The following GFPT1 variants were observed in gnomAD, a reference collection of about 807,000 sequenced individuals.
GFPT1 encodes the protein glutamine--fructose-6-phosphate transaminase 1, also known as glutamine--fructose-6-phosphate aminotransferase [isomerizing] 1.
GFPT1 carries 40 observed loss-of-function variants against 92.0 expected under a neutral mutation model. The observed-to-expected ratio is 0.43, with a 90% CI of 0.34 to 0.57. The LOEUF (loss-of-function observed/expected upper bound fraction) is 0.57. GFPT1 is among the 20% of genes least tolerant of loss of function. GFPT1 has a pLI of 0.02. For missense variants in GFPT1, 448 were observed against 869.1 expected, an observed-to-expected ratio of 0.52 and a Z score of 6.09; for synonymous variants, 269 against 280.6, an observed-to-expected ratio of 0.96 and a Z score of 0.41.
intron 12 of GFPT1, among the ~76,000 whole-genome samples, chr2:69,345,030 T>C (rs919348919): frequency 1.3e-5 from 2 of 152,090 alleles, no homozygotes; most frequent in Non-Finnish European, 2.9e-5. Flanking sequence ...ATAAATACCA[T>C]AAAAGAATTT....
At chr2:69,384,364 T>C (rs1241025917) in intron 1 of GFPT1, among the ~76,000 whole-genome samples, 1 of 152,158 alleles carries the variant, frequency 6.6e-6, no homozygotes, top group Non-Finnish European at 1.5e-5. Context: ...ATCAGAATCT[T>C]CAATCCTCAT....
intron 15 of GFPT1, among the ~76,000 whole-genome samples, chr2:69,332,371 G>A (rs1287085127): frequency 7.1e-6 from 1 of 141,276 alleles, no homozygotes; most frequent in South Asian, 2.3e-4. Context: ...GGATTGCAAT[G>A]GCATGATCTT....
At chr2:69,350,420 TTA>T (rs1671177119) in intron 9 of GFPT1, among the ~76,000 whole-genome samples, 1 of 152,104 alleles carries the variant, frequency 6.6e-6, no homozygotes, top group South Asian at 2.1e-4. Context: ...AAGTGCTACA[TTA>T]TATGTTTTTT....
intron 15 of GFPT1, among the ~76,000 whole-genome samples, 195 bp from the exon 16 acceptor site, chr2:69,329,993 G>C (rs1414508311): frequency 6.6e-6 from 1 of 152,116 alleles, no homozygotes; most frequent in Non-Finnish European, 1.5e-5. Context: ...CAGGGCAGGG[G>C]GATCGCTTGA....
chr2:69,328,155 C>T lies in GFPT1; in HGVS notation c.1893+116G>A, dbSNP rs1302611478. ...ATTCCTCACATGTAAACCTCAAAGG[C>T]TGTATTCCAAAGTAAATGAGTTAAC... is the stretch of plus-strand genomic sequence containing the variant. On this transcript the variant is annotated intron_variant, in intron 18 of 19. Coordinates refer to ENST00000357308, the MANE Select transcript of GFPT1 (RefSeq NM_001244710.2). 4 of 790,494 alleles carry T rather than the reference C, an allele frequency of 5.1e-6. No individual in the cohort carries two copies. The East Asian group carries it at 1.0e-4, about 20-fold the overall frequency. The allele number at this position is 790,494 out of a possible 1,614,324, so 49.0% of individuals were successfully genotyped here. A position where few individuals can be genotyped will look rare whatever the true frequency, so the allele number is the denominator to read the frequency against.
intron 6 of GFPT1, among the ~76,000 whole-genome samples, chr2:69,358,042 G>A (rs183850652): frequency 9.9e-4 from 150 of 152,260 alleles, no homozygotes; most frequent in African/African-American, 3.4e-3. Flanking sequence ...CACGTGTGGT[G>A]CATATGGATG....
intron 14 of GFPT1, 33 bp from the exon 15 acceptor site, chr2:69,338,088 G>C: frequency 6.2e-7 from 1 of 1,605,644 alleles, no homozygotes; most frequent in Non-Finnish European, 8.5e-7. Context: ...ATAACACACA[G>C]AACAGTTTTA....
Position 69,387,113 on chromosome 2 carries a change from G to A in GFPT1, c.-42C>T. The A allele has an allele frequency of 6.5e-7, 1 of 1,527,654 alleles. No individual in the cohort carries two copies. Among genetic ancestry groups the A allele is most frequent in the Non-Finnish European group, 8.7e-7 (1 of 1,143,142 alleles). 94.6% of individuals were successfully genotyped at this position (1,527,654 alleles called of 1,614,324 possible). A position where few individuals can be genotyped will look rare whatever the true frequency, so the allele number is the denominator to read the frequency against. ...CCCGCGAGGCCAGGGGCGAGTGGCT[G>A]GCGGGATCGGGGGTGCACACACGAG... is the stretch of plus-strand genomic sequence containing the variant. On this transcript the variant is annotated 5_prime_UTR_variant, in exon 1 of 20. Coordinates refer to ENST00000357308, the MANE Select transcript of GFPT1 (RefSeq NM_001244710.2).
intron 9 of GFPT1, 119 bp downstream of exon 9, chr2:69,354,140 C>T: frequency 1.7e-6 from 1 of 605,026 alleles, no homozygotes; most frequent in Admixed American, 3.5e-5. Context: ...TGCTTCCCCA[C>T]AAAATAAGCA....
At chr2:69,345,383 A>G (rs1671059153) in intron 12 of GFPT1, among the ~76,000 whole-genome samples, 1 of 152,168 alleles carries the variant, frequency 6.6e-6, no homozygotes, top group African/African-American at 2.4e-5. Flanking sequence ...TTATTTATAC[A>G]CTCAGAAAGG....
rs544350284 is a variant in GFPT1 at position 69,377,492 on chromosome 2, T to TACA, written c.8-3380_8-3379insTGT. Among the ~76,000 whole-genome samples, 51 of 53,772 alleles carry TACA rather than the reference T, an allele frequency of 9.5e-4. 5 individuals carry two copies. Among genetic ancestry groups the TACA allele is most frequent in the African/African-American group, 1.6e-3 (14 of 8,694 alleles). 35.3% of individuals were successfully genotyped at this position (53,772 alleles called of 152,430 possible). ...GGTGAAACCCCGTCTCTACTAAAAA[T>TACA]AAAAATAAAAAAAAAAAAATAGCCA... On this transcript the variant is annotated intron_variant, in intron 1 of 19. Coordinates refer to ENST00000357308, the MANE Select transcript of GFPT1 (RefSeq NM_001244710.2).
chr2:69,387,126 GT>G lies in GFPT1; in HGVS notation c.-56del. On this transcript the variant is annotated 5_prime_UTR_variant, in exon 1 of 20. Coordinates refer to ENST00000357308, the MANE Select transcript of GFPT1 (RefSeq NM_001244710.2). ...GGGCGAGTGGCTGGCGGGATCGGGG[GT>G]GCACACACGAGCTTCGGTGGGCAAT... 6.6e-7 allele frequency: 1 copy of G among 1,512,796 alleles called. No individual in the cohort carries two copies. Among genetic ancestry groups the G allele is most frequent in the Non-Finnish European group, 8.8e-7 (1 of 1,135,926 alleles). The allele number at this position is 1,512,796 out of a possible 1,614,324, so 93.7% of individuals were successfully genotyped here.
At chr2:69,339,991 T>C (rs1670901270) in intron 13 of GFPT1, among the ~76,000 whole-genome samples, 1 of 152,012 alleles carries the variant, frequency 6.6e-6, no homozygotes, top group East Asian at 1.9e-4. Context: ...TACATTGGAA[T>C]CATATTCTTC....
intron 1 of GFPT1, among the ~76,000 whole-genome samples, chr2:69,384,804 AAAG>A (rs1672096132): frequency 1.3e-5 from 2 of 152,000 alleles, no homozygotes; most frequent in Non-Finnish European, 1.5e-5. Flanking sequence ...AAAAGAAAAG[AAAG>A]AAGGAAAGAA....
At chr2:69,379,260 G>C (rs1671949751) in intron 1 of GFPT1, among the ~76,000 whole-genome samples, 1 of 152,140 alleles carries the variant, frequency 6.6e-6, no homozygotes, top group South Asian at 2.1e-4. Context: ...AGGCACAGTA[G>C]CAGATACCTG....
At chr2:69,363,066 T>G (rs1671514820) in intron 4 of GFPT1, among the ~76,000 whole-genome samples, 1 of 151,802 alleles carries the variant, frequency 6.6e-6, no homozygotes, top group Non-Finnish European at 1.5e-5. Flanking sequence ...GTCAACACAG[T>G]GAAACCCCGT....
intron 7 of GFPT1, 77 bp downstream of exon 7, chr2:69,356,419 C>G: frequency 2.1e-6 from 2 of 969,570 alleles, no homozygotes; most frequent in Non-Finnish European, 3.4e-6. Flanking sequence ...AATAAAGGGT[C>G]ATGTATAGTC....
At chr2:69,326,850 A>T (rs1421570044) in intron 19 of GFPT1, 64 bp downstream of exon 19, 1 of 1,500,470 alleles carries the variant, frequency 6.7e-7, no homozygotes, top group Non-Finnish European at 9.3e-7. Flanking sequence ...ATTTAGGAGA[A>T]AAAAATCAGA....
chr2:69,370,236 T>C, intron 2 of GFPT1, 128 bp from the exon 3 acceptor site: 1 of 694,956 alleles, frequency 1.4e-6, no homozygotes, highest in Non-Finnish European at 2.6e-6. Context: ...ATTAATTCAA[T>C]TACCTACTGA....
Sources: allele counts gnomAD v4.1 joint callset (sites outside exome capture counted in the v4.1 genomes callset), GRCh38; gene constraint gnomAD v4.1.1; transcripts MANE v1.5; gene names NCBI Gene and HGNC (gene_info 2026-07-23, HGNC 2026-07-21).